The following NUFIP1 variants were observed in gnomAD, a reference collection of about 807,000 sequenced individuals.
NUFIP1 encodes the protein nuclear FMR1 interacting protein 1.
In NUFIP1, 38 loss-of-function variants were observed where a neutral mutation model predicts 56.2. That is an observed-to-expected ratio of 0.68 (90% CI 0.52 to 0.89). The LOEUF (loss-of-function observed/expected upper bound fraction) is 0.89. Ranked by LOEUF, NUFIP1 falls within the 40% of genes least tolerant of loss-of-function variation. The pLI is 0.00. For synonymous variants in NUFIP1, 215 were observed against 212.4 expected, an observed-to-expected ratio of 1.01 and a Z score of -0.10; for missense variants, 567 against 605.8, an observed-to-expected ratio of 0.94 and a Z score of 0.67.
chr13:44,973,267 T>C (rs953223593), intron 5 of NUFIP1, among the ~76,000 whole-genome samples: 2 of 152,334 alleles, frequency 1.3e-5, no homozygotes, highest in Admixed American at 6.5e-5. Flanking sequence ...CTACCCTATG[T>C]AGTGAGAATT....
chr13:44,943,351 AAC>A (rs36045762), intron 9 of NUFIP1, 89 bp downstream of exon 9: 76,094 of 783,636 alleles, frequency 0.097, 90 homozygotes, highest in East Asian at 0.23. Context: ...CCTTAAAACA[AAC>A]ACACACACAC....
chr13:44,988,963 G>C, intron 1 of NUFIP1, 62 bp downstream of exon 1: 2 of 1,533,520 alleles, frequency 1.3e-6, no homozygotes, highest in South Asian at 1.2e-5. Context: ...AGCAGAGAAA[G>C]GGGAGAGGAA....
At position 44,965,914 on chromosome 13, in the gene NUFIP1, T is replaced by C. The variant is rs1871582957; in HGVS notation, c.757A>G (p.Ile253Val). The change falls in exon 6 of 10, where the codon ATT (isoleucine) becomes GTT (valine). Residue 253 changes from isoleucine (I) to valine (V), a missense_variant. Physicochemically the swap from Ile to Val is conservative, Grantham distance 29 (BLOSUM62 3). Coordinates refer to ENST00000379161, the MANE Select transcript of NUFIP1 (RefSeq NM_012345.3). ...AGTTTTAACTTCTTCTTCCTTTCAA[T>C]ATTGGCCAGAGTTGGATAGTTTCTA... ...RRKNYPTLAN[I>V]ERKKKLKLEK... 6.3e-7 allele frequency: 1 copy of C among 1,597,104 alleles called. No homozygotes were observed. The highest frequency in any genetic ancestry group is 1.7e-5 in the Admixed American group (1 of 57,868).
At chr13:44,987,580 A>C (rs1053331553) in intron 1 of NUFIP1, among the ~76,000 whole-genome samples, 2 of 152,096 alleles carry the variant, frequency 1.3e-5, no homozygotes, top group Non-Finnish European at 2.9e-5. Context: ...TGCAACGGAA[A>C]ACCAAAAAAA....
intron 5 of NUFIP1, among the ~76,000 whole-genome samples, chr13:44,966,977 C>G (rs1871625812): frequency 6.7e-6 from 1 of 149,832 alleles, no homozygotes; most frequent in Non-Finnish European, 1.5e-5. Context: ...CCCCTCAAAA[C>G]ATAAATAAAT....
chr13:44,948,699 G>A (rs974393924), intron 8 of NUFIP1, among the ~76,000 whole-genome samples: 3 of 152,160 alleles, frequency 2.0e-5, no homozygotes, highest in African/African-American at 7.2e-5. Context: ...CACTGCATCA[G>A]ATCAAGAGCC....
At position 44,980,722 on chromosome 13, in the gene NUFIP1, T is replaced by C. The variant is rs1872157125; in HGVS notation, c.594A>G (p.Lys198=). 6.3e-7 allele frequency: 1 copy of C among 1,589,478 alleles called. No homozygotes were observed. ...KYDKHMSEHT[K]CPELDCSFTA... is the part of the protein sequence containing the mutation. ...TTTCAGGACAACTAAGAAAACCTAC[T>C]TTTGTATGTTCAGACATGTGTTTGT... The change falls in exon 3 of 10, where the codon AAA becomes AAG. Residue 198 remains lysine, a splice_region_variant and synonymous_variant. Transcript: ENST00000379161.
At chr13:44,980,094 G>T in intron 3 of NUFIP1, 142 bp from the exon 4 acceptor site, 1 of 552,946 alleles carries the variant, frequency 1.8e-6, no homozygotes, top group Non-Finnish European at 3.1e-6. Flanking sequence ...ATACAAAAAT[G>T]ACTCCAAAAC....
intron 5 of NUFIP1, among the ~76,000 whole-genome samples, chr13:44,977,746 T>C (rs1394586820): frequency 1.3e-5 from 2 of 152,204 alleles, no homozygotes; most frequent in Admixed American, 1.3e-4. Flanking sequence ...GGACCTGACT[T>C]GTTTAAAAAT....
chr13:44,958,834 C>T (rs1871328121), intron 7 of NUFIP1, among the ~76,000 whole-genome samples: 1 of 152,146 alleles, frequency 6.6e-6, no homozygotes, highest in African/African-American at 2.4e-5. Flanking sequence ...CATTTTAATG[C>T]TTTTATTTTT....
At chr13:44,970,244 A>G (rs962378229) in intron 5 of NUFIP1, among the ~76,000 whole-genome samples, 1 of 152,220 alleles carries the variant, frequency 6.6e-6, no homozygotes, top group African/African-American at 2.4e-5. Context: ...AGGTAGGGGA[A>G]AGGCTATTAA....
At chr13:44,941,536 C>CG (rs1870735940) in intron 9 of NUFIP1, among the ~76,000 whole-genome samples, 1 of 152,168 alleles carries the variant, frequency 6.6e-6, no homozygotes, top group South Asian at 2.1e-4. Context: ...TATTTTGAGA[C>CG]GGAGTCTCGC....
chr13:44,985,886 C>G (rs1872371602), intron 1 of NUFIP1, among the ~76,000 whole-genome samples: 1 of 152,176 alleles, frequency 6.6e-6, no homozygotes, highest in South Asian at 2.1e-4. Flanking sequence ...AATGATTAAG[C>G]TTAGTGAGGA....
Position 44,989,076 on chromosome 13 carries a change from T to A in NUFIP1, c.361A>T (p.Arg121Ter). 6.2e-7 allele frequency: 1 copy of A among 1,614,172 alleles called. No individual in the cohort carries two copies. Among genetic ancestry groups the A allele is most frequent in the Non-Finnish European group, 8.5e-7 (1 of 1,180,032 alleles). ...CGAGGAAACCTATCAGAAGACTGTC[T>A]CCAATACCACGATGTGGAAGCATGG... is the stretch of plus-strand genomic sequence containing the variant. ...NFHASTSWYW[R>*]QSSDRFPRHQ... is the part of the protein sequence containing the mutation. Residue 121 changes from arginine (R) to a stop codon, truncating the protein, a stop_gained, in exon 1 of 10, where the codon AGA (arginine) becomes TGA (stop). Coordinates refer to ENST00000379161, the MANE Select transcript of NUFIP1 (RefSeq NM_012345.3). LOFTEE classifies it high-confidence loss of function.
chr13:44,962,760 G>A (rs1871466508), intron 6 of NUFIP1, among the ~76,000 whole-genome samples: 1 of 152,132 alleles, frequency 6.6e-6, no homozygotes, highest in South Asian at 2.1e-4. Flanking sequence ...TTCTATTCAT[G>A]GTAAGTGTCC....
rs1163793478 is a variant in NUFIP1 at position 44,986,991 on chromosome 13, AT to A, written c.412+2033del. On this transcript the variant is annotated intron_variant, in intron 1 of 9. Coordinates refer to ENST00000379161, the MANE Select transcript of NUFIP1 (RefSeq NM_012345.3). ...CATTCCACCACGCCTGGCTAATTTT[AT>A]TTTTTTTGTAGAGACGGGGGTCTCA... is the stretch of plus-strand genomic sequence containing the variant. Among the ~76,000 whole-genome samples the A allele has an allele frequency of 2.0e-5, 3 of 151,872 alleles. No homozygotes were observed. In the South Asian group the frequency reaches 6.3e-4, roughly 32 times the overall value.
chr13:44,959,596 T>C, intron 6 of NUFIP1, 22 bp from the exon 7 acceptor site: 1 of 1,586,264 alleles, frequency 6.3e-7, no homozygotes, highest in South Asian at 1.2e-5. Flanking sequence ...AAATTGCAAT[T>C]TTTAATATAA....
At chr13:44,987,282 G>A (rs1872430588) in intron 1 of NUFIP1, among the ~76,000 whole-genome samples, 1 of 152,062 alleles carries the variant, frequency 6.6e-6, no homozygotes, top group African/African-American at 2.4e-5. Context: ...GGAGGCTGAG[G>A]CAGGAGAATC....
chr13:44,979,245 T>C lies in NUFIP1; in HGVS notation c.679A>G (p.Lys227Glu), dbSNP rs780937723. 1.4e-5 allele frequency: 23 copies of C among 1,613,462 alleles called. No individual in the cohort carries two copies. Among genetic ancestry groups the C allele is most frequent in the Non-Finnish European group, 1.8e-5 (21 of 1,179,844 alleles). The change falls in exon 5 of 10, where the codon AAG becomes GAG. Residue 227 changes from lysine (K) to glutamate (E), a missense_variant. Coordinates refer to ENST00000379161, the MANE Select transcript of NUFIP1 (RefSeq NM_012345.3). ...WRNMHAPGMK[K>E]IKLDTPEEIA... Reference sequence around the variant, plus strand: ...TCCTCTGGAGTGTCTAACTTGATCTTCTTCATGCCAGGAGCATGCATCTAG... The same window carrying C: ...TCCTCTGGAGTGTCTAACTTGATCTCCTTCATGCCAGGAGCATGCATCTAG...
Sources: gnomAD v4.1 joint callset for allele counts (sites outside exome capture counted in the v4.1 genomes callset) on GRCh38, gnomAD v4.1.1 for gene constraint, MANE v1.5 for transcripts, NCBI Gene and HGNC (gene_info 2026-07-23, HGNC 2026-07-21) for gene names.